MYCBP: variants seen among roughly 807,000 people sequenced by gnomAD.
MYCBP encodes the protein C-Myc-binding protein.
A neutral mutation model predicts 16.8 loss-of-function variants in MYCBP; 5 were observed. That is an observed-to-expected ratio of 0.30 (90% CI 0.16 to 0.63). The LOEUF (loss-of-function observed/expected upper bound fraction) is 0.63, where lower values mean the gene tolerates loss of function less well. Ranked by LOEUF, MYCBP falls within the 20% of genes least tolerant of loss-of-function variation. The probability of loss-of-function intolerance (pLI) is 0.83; values close to 1 mark genes in which losing one functional copy is unlikely to be tolerated. For synonymous variants in MYCBP, 35 were observed against 43.7 expected (o/e 0.80, Z 0.79); for missense variants, 103 against 121.8 (o/e 0.85, Z 0.73).
chr1:38,870,708 G>A (rs1398948566), intron 2 of MYCBP, among the ~76,000 whole-genome samples: 1 of 145,226 alleles, frequency 6.9e-6, no homozygotes, highest in Non-Finnish European at 1.5e-5. Context: ...CAGGAGAATG[G>A]CGTGAACCCG....
In MYCBP at chr1:38,873,283, C is replaced by T; in HGVS notation, c.15+8G>A. ...CGCATGCCCCCAGCCACGCCGCGCCCCCCTCACTTTGTAATGGGCCATAGT... is the reference window on the plus strand; with the variant it reads ...CGCATGCCCCCAGCCACGCCGCGCCTCCCTCACTTTGTAATGGGCCATAGT... On this transcript the variant is annotated splice_region_variant and intron_variant, in intron 1 of 4. Transcript: ENST00000397572. 1 of 1,602,278 alleles carries T rather than the reference C, an allele frequency of 6.2e-7. No individual in the cohort carries two copies. The highest frequency in any genetic ancestry group is 8.5e-7 in the Non-Finnish European group (1 of 1,178,618).
chr1:38,865,267 G>C (rs1464909844), intron 4 of MYCBP, among the ~76,000 whole-genome samples: 1 of 152,200 alleles, frequency 6.6e-6, no homozygotes, highest in Non-Finnish European at 1.5e-5. Context: ...TTAGGGTTCT[G>C]CCAACTACCT....
intron 2 of MYCBP, among the ~76,000 whole-genome samples, chr1:38,869,881 A>C (rs1356880696): frequency 6.6e-6 from 1 of 152,064 alleles, no homozygotes; most frequent in Non-Finnish European, 1.5e-5. Context: ...AAAAAAAAAA[A>C]AAATTGGCCA....
At position 38,864,577 on chromosome 1, in the gene MYCBP, TC is replaced by T; in HGVS notation, c.*92del. The T allele has an allele frequency of 7.9e-7, 1 of 1,258,794 alleles. No individual in the cohort carries two copies. Among genetic ancestry groups the T allele is most frequent in the Non-Finnish European group, 1.2e-6 (1 of 864,984 alleles). 78.0% of individuals were successfully genotyped at this position (1,258,794 alleles called of 1,614,324 possible). Reference sequence around the variant, plus strand: ...GGTGAATTAAACATATTAAAAGAGTTCTATAGCATCTGTTCAGAAAAGATTA... The same window carrying T: ...GGTGAATTAAACATATTAAAAGAGTTTATAGCATCTGTTCAGAAAAGATTA... On this transcript the variant is annotated 3_prime_UTR_variant, in exon 5 of 5. Transcript: ENST00000397572.
In MYCBP at chr1:38,873,287, TC is replaced by T; in HGVS notation, c.15+3del. On this transcript the variant is annotated splice_donor_region_variant and intron_variant, in intron 1 of 4. Coordinates refer to ENST00000397572, the MANE Select transcript of MYCBP (RefSeq NM_012333.5). ...TGCCCCCAGCCACGCCGCGCCCCCCTCACTTTGTAATGGGCCATAGTGACAG... is the reference window on the plus strand; with the variant it reads ...TGCCCCCAGCCACGCCGCGCCCCCCTACTTTGTAATGGGCCATAGTGACAG... 1 of 1,602,336 alleles carries T rather than the reference TC, an allele frequency of 6.2e-7. No individual in the cohort carries two copies.
intron 3 of MYCBP, among the ~76,000 whole-genome samples, chr1:38,867,276 C>T (rs1157251659): frequency 6.6e-6 from 1 of 152,018 alleles, no homozygotes; most frequent in Non-Finnish European, 1.5e-5. Flanking sequence ...GAAACCCCGT[C>T]TCTACTAAAA....
At chr1:38,867,738 G>A (rs1348762259) in intron 2 of MYCBP, 128 bp from the exon 3 acceptor site, 5 of 777,926 alleles carry the variant, frequency 6.4e-6, no homozygotes, top group Middle Eastern at 2.4e-4. Context: ...ACTATACAAT[G>A]CTGAACAAGA....
intron 2 of MYCBP, among the ~76,000 whole-genome samples, chr1:38,869,372 GCCA>G (rs1642413666): frequency 6.6e-6 from 1 of 152,098 alleles, no homozygotes. Context: ...ACAGGTGTGA[GCCA>G]CCACACCTGG....
chr1:38,866,087 T>C (rs6692492), intron 4 of MYCBP, among the ~76,000 whole-genome samples: 5,583 of 139,982 alleles, frequency 0.04, 412 homozygotes, highest in African/African-American at 0.15. Context: ...TCATTCTTGT[T>C]GCCCAGGCTG....
At chr1:38,869,869 C>A (rs999734341) in intron 2 of MYCBP, among the ~76,000 whole-genome samples, 18 of 142,490 alleles carry the variant, frequency 1.3e-4, no homozygotes, top group East Asian at 2.1e-4. Context: ...CCCAACTCTA[C>A]AAAAAAAAAA....
rs532804178 is a variant in MYCBP at position 38,863,208 on chromosome 1, A to T, written c.*1462T>A. ...TGTGACTAGAAGAGGCACCAGCCAT[A>T]GCCACATTCCTACTAACAGGGCTGA... On this transcript the variant is annotated 3_prime_UTR_variant, in exon 5 of 5. Coordinates refer to ENST00000397572, the MANE Select transcript of MYCBP (RefSeq NM_012333.5). 1.3e-5 allele frequency: 2 copies of T among 152,370 alleles called. No homozygotes were observed. The highest frequency in any genetic ancestry group is 4.8e-5 in the African/African-American group (2 of 41,584). 9.4% of individuals were successfully genotyped at this position (152,370 alleles called of 1,614,324 possible).
intron 2 of MYCBP, among the ~76,000 whole-genome samples, chr1:38,870,028 G>A (rs886997183): frequency 6.6e-6 from 1 of 151,884 alleles, no homozygotes; most frequent in Non-Finnish European, 1.5e-5. Flanking sequence ...AAATTAGCCG[G>A]GCATGGTGGC....
intron 2 of MYCBP, among the ~76,000 whole-genome samples, chr1:38,868,887 T>TG (rs1642398067): frequency 6.6e-6 from 1 of 151,914 alleles, no homozygotes; most frequent in South Asian, 2.1e-4. Flanking sequence ...GCCTGGGCGA[T>TG]GGAGCAAGAC....
At chr1:38,872,968 C>T in intron 2 of MYCBP, 50 bp downstream of exon 2, 1 of 1,544,364 alleles carries the variant, frequency 6.5e-7, no homozygotes, top group Non-Finnish European at 8.8e-7. Context: ...CGGGGCAGCG[C>T]CGGGGAGCAC....
At chr1:38,869,565 T>C (rs1258904743) in intron 2 of MYCBP, among the ~76,000 whole-genome samples, 1 of 152,216 alleles carries the variant, frequency 6.6e-6, no homozygotes, top group Admixed American at 6.5e-5. Flanking sequence ...CACTTCCTTG[T>C]AATCAGACAA....
intron 3 of MYCBP, among the ~76,000 whole-genome samples, 188 bp from the exon 4 acceptor site, chr1:38,867,197 A>G (rs1232062912): frequency 6.6e-6 from 1 of 152,218 alleles, no homozygotes; most frequent in Non-Finnish European, 1.5e-5. Context: ...CTGTAATCCC[A>G]GCACTTTGGG....
chr1:38,870,416 G>A (rs1642436611), intron 2 of MYCBP, among the ~76,000 whole-genome samples: 1 of 151,990 alleles, frequency 6.6e-6, no homozygotes, highest in African/African-American at 2.4e-5. Context: ...TCAACACTTG[G>A]GGAAGCTAAG....
chr1:38,871,502 G>A (rs866176053), intron 2 of MYCBP, among the ~76,000 whole-genome samples: 1 of 134,220 alleles, frequency 7.5e-6, no homozygotes, highest in Admixed American at 8.8e-5. Flanking sequence ...CTGCAGCCTT[G>A]ACCTCCTGGG....
At chr1:38,867,463 A>T (rs1009255245) in intron 3 of MYCBP, 99 bp downstream of exon 3, 1 of 1,067,644 alleles carries the variant, frequency 9.4e-7, no homozygotes, top group Non-Finnish European at 1.4e-6. Flanking sequence ...AAAAAAAAAA[A>T]AGTAACTTTC....
Sources: gnomAD v4.1 joint callset for allele counts (sites outside exome capture counted in the v4.1 genomes callset) on GRCh38, gnomAD v4.1.1 for gene constraint, MANE v1.5 for transcripts, NCBI Gene and HGNC (gene_info 2026-07-23, HGNC 2026-07-21) for gene names.